MAP3K14: variants seen among roughly 807,000 people sequenced by gnomAD.
The protein encoded by MAP3K14 is mitogen-activated protein kinase kinase kinase 14, also known as NF-kappa-beta-inducing kinase.
Under a neutral mutation model 99.2 loss-of-function variants are expected in MAP3K14, and 16 were observed. The observed-to-expected ratio is 0.16, with a 90% CI of 0.11 to 0.24. MAP3K14 has a LOEUF of 0.24. MAP3K14 is among the 10% of genes least tolerant of loss of function. MAP3K14 has a pLI of 1.00. For synonymous variants in MAP3K14, 462 were observed against 492.4 expected (o/e 0.94, Z 0.82); for missense variants, 784 against 1,208.7 (o/e 0.65, Z 5.21).
chr17:45,277,944 C>T (rs2143800390), intron 6 of MAP3K14, among the ~76,000 whole-genome samples: 1 of 152,330 alleles, frequency 6.6e-6, no homozygotes, highest in South Asian at 2.1e-4. Flanking sequence ...ACAAGGCATA[C>T]ATCCCGTTAA....
intron 6 of MAP3K14, among the ~76,000 whole-genome samples, chr17:45,282,638 T>C (rs1287373510): frequency 1.3e-5 from 2 of 151,812 alleles, no homozygotes; most frequent in East Asian, 3.9e-4. Context: ...CCTGGACCTA[T>C]GGCCAATCAG....
intron 8 of MAP3K14, 67 bp from the exon 9 acceptor site, chr17:45,273,674 C>T (rs760858306): frequency 1.4e-5 from 17 of 1,233,652 alleles, no homozygotes; most frequent in Admixed American, 1.9e-5. Context: ...CACCCTGGCT[C>T]GGTTTGGCCT....
intron 3 of MAP3K14, 112 bp from the exon 4 acceptor site, chr17:45,287,476 C>A (rs2044277015): frequency 1.1e-6 from 1 of 881,230 alleles, no homozygotes; most frequent in Non-Finnish European, 1.7e-6. Context: ...CCCAGGTTGC[C>A]ATTCCTTGTG....
chr17:45,281,761 A>C (rs1038156485), intron 6 of MAP3K14: 1 of 145,608 alleles, frequency 6.9e-6, no homozygotes, highest in African/African-American at 2.6e-5. Flanking sequence ...TCTCTGCCTC[A>C]GCCTCCTGAG....
At chr17:45,301,281 C>A (rs1346262918) in intron 1 of MAP3K14, among the ~76,000 whole-genome samples, 1 of 151,552 alleles carries the variant, frequency 6.6e-6, no homozygotes, top group Non-Finnish European at 1.5e-5. Flanking sequence ...CTGACCAACA[C>A]AGAGAAACCC....
intron 8 of MAP3K14, 121 bp from the exon 9 acceptor site, chr17:45,273,728 T>C (rs868397829): frequency 3.3e-5 from 25 of 752,500 alleles, no homozygotes; most frequent in African/African-American, 3.3e-4. Context: ...ACGTGGCAGC[T>C]GCTGCTTCTG....
chr17:45,265,906 C>A (rs1275552963), intron 14 of MAP3K14, among the ~76,000 whole-genome samples: 6 of 152,236 alleles, frequency 3.9e-5, no homozygotes, highest in Non-Finnish European at 4.4e-5. Flanking sequence ...GGATGCAAAG[C>A]AGAAAGGAAC....
intron 1 of MAP3K14, among the ~76,000 whole-genome samples, chr17:45,314,213 C>T (rs2044509317): frequency 6.6e-6 from 1 of 152,224 alleles, no homozygotes; most frequent in African/African-American, 2.4e-5. Context: ...AACAGAAATG[C>T]TCCCCTACAA....
At chr17:45,275,963 AT>A (rs1253304798) in intron 6 of MAP3K14, among the ~76,000 whole-genome samples, 1 of 152,000 alleles carries the variant, frequency 6.6e-6, no homozygotes, top group Non-Finnish European at 1.5e-5. Context: ...GGGTTTCACC[AT>A]GCTGGCCAGG....
intron 9 of MAP3K14, 136 bp from the exon 10 acceptor site, chr17:45,271,357 G>A: frequency 2.6e-6 from 2 of 774,606 alleles, no homozygotes; most frequent in Non-Finnish European, 3.9e-6. Flanking sequence ...TATCTTTTTA[G>A]TTCTTTGAGA....
chr17:45,300,716 C>T (rs1233981820), intron 1 of MAP3K14, among the ~76,000 whole-genome samples: 9 of 152,182 alleles, frequency 5.9e-5, no homozygotes, highest in African/African-American at 2.2e-4. Context: ...GACACCCCCA[C>T]TCCCTTTTAC....
Position 45,263,264 on chromosome 17 carries a change from C to T in MAP3K14, c.*1372G>A, listed in dbSNP as rs1047841. ...CGGGAGCAGTCTGACTCAATGTGGA[C>T]AGCTGGACAAAGGCTGTCTTGGCAA... On this transcript the variant is annotated 3_prime_UTR_variant, in exon 16 of 16. Transcript: ENST00000344686. 5,550 of 152,524 alleles carry T rather than the reference C, an allele frequency of 0.036. 132 individuals are homozygous for T. Among genetic ancestry groups the T allele is most frequent in the Middle Eastern group, 0.088 (26 of 294 alleles). The allele number at this position is 152,524 out of a possible 1,614,324, so 9.4% of individuals were successfully genotyped here.
intron 1 of MAP3K14, among the ~76,000 whole-genome samples, chr17:45,313,533 T>G (rs2044501744): frequency 6.6e-6 from 1 of 152,212 alleles, no homozygotes; most frequent in Admixed American, 6.5e-5. Context: ...GACCTCGACC[T>G]GACCCAGGTC....
chr17:45,308,271 T>C (rs116548437), intron 1 of MAP3K14, among the ~76,000 whole-genome samples: 185 of 152,298 alleles, frequency 1.2e-3, no homozygotes, highest in African/African-American at 4.2e-3. Context: ...CCAGCAGGAA[T>C]ATGAGGATGA....
intron 1 of MAP3K14, among the ~76,000 whole-genome samples, chr17:45,302,750 A>C (rs898670764): frequency 6.6e-6 from 1 of 152,260 alleles, no homozygotes; most frequent in Non-Finnish European, 1.5e-5. Flanking sequence ...GTGCGCGCAC[A>C]TGCACACACA....
intron 1 of MAP3K14, among the ~76,000 whole-genome samples, chr17:45,295,268 G>C (rs779500758): frequency 6.0e-5 from 9 of 150,938 alleles, no homozygotes; most frequent in Non-Finnish European, 1.3e-4. Flanking sequence ...TTTGTCAAAT[G>C]AAATCATACC....
intron 1 of MAP3K14, among the ~76,000 whole-genome samples, chr17:45,294,026 C>T (rs535948838): frequency 1.3e-5 from 2 of 152,384 alleles, no homozygotes; most frequent in South Asian, 4.1e-4. Flanking sequence ...TTTGCCCCTT[C>T]TCCCTCCTGC....
At chr17:45,289,085 G>A in intron 3 of MAP3K14, 151 bp downstream of exon 3, 1 of 622,392 alleles carries the variant, frequency 1.6e-6, no homozygotes, top group Non-Finnish European at 2.9e-6. Flanking sequence ...GAGCGGCTCA[G>A]CCAGGAAAGC....
At chr17:45,308,981 TA>T (rs1463187673) in intron 1 of MAP3K14, among the ~76,000 whole-genome samples, 3 of 113,046 alleles carry the variant, frequency 2.7e-5, no homozygotes, top group Admixed American at 1.1e-4. Flanking sequence ...CCAGCTAGTT[TA>T]AAAAAATTTT....
Sources: gnomAD v4.1 joint callset for allele counts (sites outside exome capture counted in the v4.1 genomes callset) on GRCh38, gnomAD v4.1.1 for gene constraint, MANE v1.5 for transcripts, NCBI Gene and HGNC (gene_info 2026-07-23, HGNC 2026-07-21) for gene names.